SNX25: variants seen among roughly 807,000 people sequenced by gnomAD.
The protein encoded by SNX25 is sorting nexin-25.
In SNX25, 62 loss-of-function variants were observed where a neutral mutation model predicts 113.7. The observed-to-expected ratio is 0.55, with a 90% CI of 0.44 to 0.67. SNX25 has a LOEUF of 0.67. Ranked by LOEUF, SNX25 falls within the 30% of genes least tolerant of loss-of-function variation. The pLI, the probability that SNX25 is intolerant of heterozygous loss-of-function variation, is 0.00. For synonymous variants in SNX25, 421 were observed against 436.2 expected, an observed-to-expected ratio of 0.97 and a Z score of 0.43; for missense variants, 1,014 against 1,161.0, an observed-to-expected ratio of 0.87 and a Z score of 1.84.
At chr4:185,295,082 C>T (rs1752666838) in intron 6 of SNX25, among the ~76,000 whole-genome samples, 1 of 152,026 alleles carries the variant, frequency 6.6e-6, no homozygotes, top group African/African-American at 2.4e-5. Context: ...ATGTGTTTCC[C>T]CCTCCCATAA....
At chr4:185,292,679 A>G in intron 6 of SNX25, among the ~76,000 whole-genome samples, 1 of 152,190 alleles carries the variant, frequency 6.6e-6, no homozygotes, top group East Asian at 1.9e-4. Context: ...CTGGGATTAC[A>G]GGCATGAGCC....
chr4:185,297,983 C>G (rs1560982335), intron 6 of SNX25, among the ~76,000 whole-genome samples: 1 of 152,178 alleles, frequency 6.6e-6, no homozygotes, highest in Non-Finnish European at 1.5e-5. Context: ...TATACTTTAT[C>G]CAGTCCATTA....
At chr4:185,372,349 C>G (rs2095418846), downstream of SNX25, among the ~76,000 whole-genome samples, 1 of 152,156 alleles carries the variant, frequency 6.6e-6, no homozygotes, top group South Asian at 2.1e-4. Context: ...TTGTGCTATC[C>G]AGTATGGTAA....
At chr4:185,310,299 T>C (rs891734615) in intron 6 of SNX25, among the ~76,000 whole-genome samples, 6 of 152,290 alleles carry the variant, frequency 3.9e-5, no homozygotes, top group Admixed American at 2.0e-4. Flanking sequence ...ACCCAGTACA[T>C]GCTTATGAAT....
At chr4:185,325,425 T>A (rs1049429817) in intron 9 of SNX25, among the ~76,000 whole-genome samples, 2 of 147,518 alleles carry the variant, frequency 1.4e-5, no homozygotes, top group African/African-American at 5.0e-5. Context: ...CCCAGCTACT[T>A]GGGAGGCTGA....
chr4:185,303,101 T>C (rs1487223006), intron 6 of SNX25, among the ~76,000 whole-genome samples: 1 of 152,206 alleles, frequency 6.6e-6, no homozygotes, highest in Non-Finnish European at 1.5e-5. Flanking sequence ...TAGAGCTAGT[T>C]AGTCACACAC....
chr4:185,294,982 A>G (rs1288547), intron 6 of SNX25, among the ~76,000 whole-genome samples: 64,030 of 151,940 alleles, frequency 0.42, 13,635 homozygotes, highest in East Asian at 0.53. Flanking sequence ...ATAAAAGGCT[A>G]ATTTATAGAA....
chr4:185,358,932 A>T (rs1443391598), intron 16 of SNX25, among the ~76,000 whole-genome samples: 1 of 152,248 alleles, frequency 6.6e-6, no homozygotes, highest in Non-Finnish European at 1.5e-5. Flanking sequence ...GTTTTACCAT[A>T]TAAAGCTTAT....
Position 185,351,623 on chromosome 4 carries a change from A to T in SNX25, c.2466+14A>T. 2 of 1,611,986 alleles carry T rather than the reference A, an allele frequency of 1.2e-6. No homozygotes were observed. Among genetic ancestry groups the T allele is most frequent in the Non-Finnish European group, 1.7e-6 (2 of 1,179,106 alleles). ...TCCCACCAGGAGGTGAGCCGTTGAA[A>T]GAGTGAACCACTTTTGTAGTGTATT... On this transcript the variant is annotated intron_variant, in intron 14 of 18. Coordinates refer to ENST00000652585, the MANE Select transcript of SNX25 (RefSeq NM_001378034.2).
chr4:185,280,001 A>G (rs890557027), intron 5 of SNX25, among the ~76,000 whole-genome samples: 12 of 152,194 alleles, frequency 7.9e-5, no homozygotes, highest in Middle Eastern at 6.8e-3. Context: ...GCTCACTGCA[A>G]CCTTGACCTC....
chr4:185,282,308 C>A (rs1750718666), intron 5 of SNX25, among the ~76,000 whole-genome samples: 1 of 152,016 alleles, frequency 6.6e-6, no homozygotes, highest in Non-Finnish European at 1.5e-5. Flanking sequence ...ATTGCAGGCA[C>A]CCGCCACCAT....
chr4:185,290,935 G>A lies in SNX25; in HGVS notation c.1162+2853G>A, dbSNP rs188608235. Among the ~76,000 whole-genome samples, 4 of 152,286 alleles carry A rather than the reference G, an allele frequency of 2.6e-5. No individual in the cohort carries two copies. The East Asian group carries it at 7.7e-4, about 29-fold the overall frequency. On this transcript the variant is annotated intron_variant, in intron 6 of 18. Transcript: ENST00000652585. ...ATCAGGAAAGGGGGCAGTTACGAAC[G>A]TGGTCAGGAATTCTCATGGGTTTAC...
Position 185,266,980 on chromosome 4 carries a change from G to T in SNX25, c.916G>T (p.Val306Leu), listed in dbSNP as rs202195524. The change falls in exon 5 of 19, where the codon GTA becomes TTA. Residue 306 changes from valine (V) to leucine (L), a missense_variant. Val to Leu is a conservative substitution (Grantham distance 32). Coordinates refer to ENST00000652585, the MANE Select transcript of SNX25 (RefSeq NM_001378034.2). ...TCTTCTTCCTGTAGTCTTGAAGCCG[G>T]TAGTGGAGTTACTGAGTAATCCAGA... ...EILTTKVLKP[V>L]VELLSNPDYI... The T allele has an allele frequency of 1.9e-6, 3 of 1,612,250 alleles. No individual in the cohort carries two copies. The highest frequency in any genetic ancestry group is 2.5e-6 in the Non-Finnish European group (3 of 1,179,298).
chr4:185,210,636 C>T lies in SNX25; in HGVS notation c.429+381C>T, dbSNP rs1737622932. Among the ~76,000 whole-genome samples, 1 of 152,078 alleles carries T rather than the reference C, an allele frequency of 6.6e-6. No homozygotes were observed. The highest frequency in any genetic ancestry group is 2.1e-4 in the South Asian group (1 of 4,814). On this transcript the variant is annotated intron_variant, in intron 1 of 18. Transcript: ENST00000652585. This position sits in a 1 kb window ranked among gnomAD's most constrained non-coding sequence, Gnocchi z 4.4. ...AGGCTCTGCGCACGGTCCTGGCGAT[C>T]CGCTTGGTTCTTCTGGCCGTTCTCG... is the stretch of plus-strand genomic sequence containing the variant.
At chr4:185,262,088 C>T (rs563799020) in intron 3 of SNX25, among the ~76,000 whole-genome samples, 1 of 152,296 alleles carries the variant, frequency 6.6e-6, no homozygotes, top group East Asian at 1.9e-4. Context: ...CTAGTGGCTG[C>T]AGAATGACTT....
chr4:185,317,482 A>G (rs1292979530), intron 7 of SNX25, among the ~76,000 whole-genome samples: 1 of 152,218 alleles, frequency 6.6e-6, no homozygotes. Flanking sequence ...TTTATACCCA[A>G]AGGATTATAA....
chr4:185,216,108 T>A (rs959199952), intron 1 of SNX25, among the ~76,000 whole-genome samples: 3 of 152,138 alleles, frequency 2.0e-5, no homozygotes, highest in Non-Finnish European at 4.4e-5. Context: ...AAATTCATTA[T>A]TTTTTAATTT....
Position 185,341,996 on chromosome 4 carries a change from G to A in SNX25, c.2067G>A (p.Glu689=), listed in dbSNP as rs1396795807. Residue 689 remains glutamate, a synonymous_variant, in exon 12 of 19, where the codon GAG becomes GAA. Coordinates refer to ENST00000652585, the MANE Select transcript of SNX25 (RefSeq NM_001378034.2). ...CCAAGGTTACAGAAGAGAATGGTGA[G>A]CAATTGCCATGTTACTTTGTCATGG... ...TSGEVTEENG[E]QLPCYFVMVS... The A allele has an allele frequency of 6.2e-7, 1 of 1,603,956 alleles. No homozygotes were observed. Among genetic ancestry groups the A allele is most frequent in the East Asian group, 2.2e-5 (1 of 44,522 alleles).
Position 185,259,025 on chromosome 4 carries a change from T to C in SNX25, c.692T>C (p.Leu231Ser), listed in dbSNP as rs1396737509. 6.2e-7 allele frequency: 1 copy of C among 1,614,056 alleles called. No homozygotes were observed. The highest frequency in any genetic ancestry group is 8.5e-7 in the Non-Finnish European group (1 of 1,180,018). ...KVVCNDVVRT[L>S]LTHFCDLKAA... Reference sequence around the variant, plus strand: ...GTCTGCAATGATGTTGTGAGGACTTTACTCACTCATTTCTGTGACCTGAAA... The same window carrying C: ...GTCTGCAATGATGTTGTGAGGACTTCACTCACTCATTTCTGTGACCTGAAA... The change falls in exon 3 of 19, where the codon TTA becomes TCA. Residue 231 changes from leucine to serine, a missense_variant. Leu to Ser is a moderately radical substitution (Grantham distance 145). Transcript: ENST00000652585.
Sources: gnomAD v4.1 joint callset for allele counts (sites outside exome capture counted in the v4.1 genomes callset) on GRCh38, gnomAD v4.1.1 for gene constraint, Gnocchi (gnomAD v3.1) non-coding constraint, MANE v1.5 for transcripts, NCBI Gene and HGNC (gene_info 2026-07-23, HGNC 2026-07-21) for gene names.